Variants in MTREX observed in about 807,000 individuals in gnomAD.
MTREX encodes exosome RNA helicase MTR4.
Under a neutral mutation model 135.4 loss-of-function variants are expected in MTREX, and 76 were observed. That is an observed-to-expected ratio of 0.56 (90% CI 0.47 to 0.68). The LOEUF (loss-of-function observed/expected upper bound fraction) is 0.68, where lower values mean the gene tolerates loss of function less well. MTREX is among the 30% of genes least tolerant of loss of function. The pLI, the probability that MTREX is intolerant of heterozygous loss-of-function variation, is 0.00. For missense variants in MTREX, 920 were observed against 1,262.1 expected (o/e 0.73, Z 4.11); for synonymous variants, 404 against 401.6 (o/e 1.01, Z -0.07).
intron 5 of MTREX, among the ~76,000 whole-genome samples, chr5:55,334,603 A>T (rs1379049150): frequency 6.6e-6 from 1 of 152,108 alleles, no homozygotes; most frequent in Non-Finnish European, 1.5e-5. Flanking sequence ...TATATAATTT[A>T]CTTACCATTA....
intron 5 of MTREX, among the ~76,000 whole-genome samples, chr5:55,337,822 G>A (rs762117154): frequency 7.4e-5 from 11 of 149,554 alleles, no homozygotes; most frequent in Non-Finnish European, 1.0e-4. Context: ...TTCCTCCATT[G>A]CCTTCTATTT....
At chr5:55,326,542 C>G (rs1262005524) in intron 3 of MTREX, among the ~76,000 whole-genome samples, 1 of 152,190 alleles carries the variant, frequency 6.6e-6, no homozygotes, top group Non-Finnish European at 1.5e-5. Context: ...TTTTCCTCTT[C>G]ACAGGCTTGA....
chr5:55,323,626 C>T (rs1204874595), intron 2 of MTREX, among the ~76,000 whole-genome samples: 1 of 152,056 alleles, frequency 6.6e-6, no homozygotes, highest in Non-Finnish European at 1.5e-5. Flanking sequence ...TGCCGTATTG[C>T]CCAAGCTGGT....
At chr5:55,308,392 G>A (rs894674601) in intron 1 of MTREX, among the ~76,000 whole-genome samples, 3 of 152,048 alleles carry the variant, frequency 2.0e-5, no homozygotes, top group Non-Finnish European at 2.9e-5. Context: ...CGATGTTACT[G>A]ATTCTGTCCC....
rs186311278 is a variant in MTREX, at chr5:55,425,424, A to G, written c.*652A>G. ...TCAACAGCATCCTAAGATAAATATAAACAAAAGGATATACTTTGAGGTGTA... is the reference window on the plus strand; with the variant it reads ...TCAACAGCATCCTAAGATAAATATAGACAAAAGGATATACTTTGAGGTGTA... On this transcript the variant is annotated 3_prime_UTR_variant, in exon 27 of 27. Transcript: ENST00000230640. 5.6e-5 allele frequency: 68 copies of G among 1,223,142 alleles called. No individual in the cohort carries two copies. The African/African-American group carries it at 1.0e-3, about 18-fold the overall frequency. The allele number at this position is 1,223,142 out of a possible 1,614,324, so 75.8% of individuals were successfully genotyped here.
chr5:55,326,872 C>T (rs1182915526), intron 3 of MTREX, among the ~76,000 whole-genome samples: 3 of 152,046 alleles, frequency 2.0e-5, no homozygotes, highest in East Asian at 1.9e-4. Flanking sequence ...CTACAGGCCC[C>T]GGTTTGTGAT....
intron 21 of MTREX, among the ~76,000 whole-genome samples, chr5:55,403,368 G>A (rs1209333928): frequency 6.6e-6 from 1 of 152,040 alleles, no homozygotes; most frequent in African/African-American, 2.4e-5. Context: ...GAAAGATCTT[G>A]TACAGCATTG....
At chr5:55,389,794 G>T (rs2111569639) in intron 19 of MTREX, among the ~76,000 whole-genome samples, 1 of 152,194 alleles carries the variant, frequency 6.6e-6, no homozygotes, top group South Asian at 2.1e-4. Context: ...TGTACAGAGA[G>T]AGGGACTATA....
Position 55,402,872 on chromosome 5 carries a change from G to GTGTGTGTA in MTREX, c.2481+2452_2481+2453insGTGTGTAT, listed in dbSNP as rs70992784. Among the ~76,000 whole-genome samples, 1,290 of 138,818 alleles carry GTGTGTGTA rather than the reference G, an allele frequency of 9.3e-3. 9 individuals are homozygous for GTGTGTGTA. Among genetic ancestry groups the GTGTGTGTA allele is most frequent in the Middle Eastern group, 0.022 (6 of 274 alleles). The allele number at this position is 138,818 out of a possible 152,430, so 91.1% of individuals were successfully genotyped here. A position where few individuals can be genotyped will look rare whatever the true frequency, so the allele number is the denominator to read the frequency against. ...TATGTATGTGTGTGTGTGTGTGTGT[G>GTGTGTGTA]TATATATATAATTTCTTTTTTTTTT... is the stretch of plus-strand genomic sequence containing the variant. On this transcript the variant is annotated intron_variant, in intron 21 of 26. Transcript: ENST00000230640.
intron 14 of MTREX, among the ~76,000 whole-genome samples, chr5:55,357,992 G>A (rs1465166155): frequency 6.6e-6 from 1 of 152,190 alleles, no homozygotes; most frequent in African/African-American, 2.4e-5. Flanking sequence ...AGTTAATTAT[G>A]ATCAAGTCAG....
chr5:55,328,707 G>A lies in MTREX; in HGVS notation c.411G>A (p.Pro137=), dbSNP rs747215051. Residue 137 remains proline, a synonymous_variant, in exon 5 of 27, where the codon CCG becomes CCA. Transcript: ENST00000230640. ...PRVGKAAKEY[P]FILDAFQREA... is the part of the protein sequence containing the mutation. ...ATGTTTTGTTTTTATAGGAATACCC[G>A]TTCATTCTTGATGCTTTTCAAAGAG... 6.2e-6 allele frequency: 10 copies of A among 1,607,842 alleles called. No homozygotes were observed. Among genetic ancestry groups the A allele is most frequent in the East Asian group, 2.2e-5 (1 of 44,766 alleles).
chr5:55,349,726 T>G, intron 12 of MTREX, 74 bp downstream of exon 12: 1 of 813,946 alleles, frequency 1.2e-6, no homozygotes, highest in Non-Finnish European at 2.1e-6. Context: ...ATTGCTTGGT[T>G]TTATTACTCT....
intron 17 of MTREX, among the ~76,000 whole-genome samples, 164 bp from the exon 18 acceptor site, chr5:55,378,963 T>C (rs1378986076): frequency 6.6e-6 from 1 of 152,194 alleles, no homozygotes; most frequent in Admixed American, 6.5e-5. Context: ...ATTTTTTTCC[T>C]GCAGGGTTGA....
intron 5 of MTREX, among the ~76,000 whole-genome samples, chr5:55,337,516 A>C (rs10074982): frequency 0.14 from 20,642 of 152,036 alleles, 1,727 homozygotes; most frequent in East Asian, 0.26. Context: ...ATAAAATTTC[A>C]CTCAGTACTG....
At position 55,425,407 on chromosome 5, in the gene MTREX, A is replaced by C; in HGVS notation, c.*635A>C. The stretch of plus-strand genomic sequence containing the variant: ...TACATACAAAGTTGTGATCAACAGC[A>C]TCCTAAGATAAATATAAACAAAAGG... On this transcript the variant is annotated 3_prime_UTR_variant, in exon 27 of 27. Transcript: ENST00000230640. 4 of 1,339,196 alleles carry C rather than the reference A, an allele frequency of 3.0e-6. No individual in the cohort carries two copies. Among genetic ancestry groups the C allele is most frequent in the Non-Finnish European group, 4.1e-6 (4 of 970,630 alleles). 83.0% of individuals were successfully genotyped at this position (1,339,196 alleles called of 1,614,324 possible). A position where few individuals can be genotyped will look rare whatever the true frequency, so the allele number is the denominator to read the frequency against.
At chr5:55,333,991 G>A (rs1265576596) in intron 5 of MTREX, among the ~76,000 whole-genome samples, 2 of 152,120 alleles carry the variant, frequency 1.3e-5, no homozygotes, top group Non-Finnish European at 2.9e-5. Flanking sequence ...TATCCAGACA[G>A]TGGAATATTA....
intron 15 of MTREX, among the ~76,000 whole-genome samples, chr5:55,365,539 A>G (rs77372370): frequency 6.4e-4 from 98 of 152,304 alleles, no homozygotes; most frequent in African/African-American, 2.2e-3. Flanking sequence ...GGAGTACTCT[A>G]AGAGTATTTG....
intron 16 of MTREX, among the ~76,000 whole-genome samples, chr5:55,374,705 A>G (rs899062395): frequency 2.0e-5 from 3 of 152,310 alleles, no homozygotes; most frequent in African/African-American, 7.2e-5. Context: ...CTAAAAAGAG[A>G]TAATTCCTAA....
chr5:55,424,985 T>C lies in MTREX; in HGVS notation c.*213T>C. 1 of 676,384 alleles carries C rather than the reference T, an allele frequency of 1.5e-6. No individual in the cohort carries two copies. The highest frequency in any genetic ancestry group is 2.4e-6 in the Non-Finnish European group (1 of 412,130). 41.9% of individuals were successfully genotyped at this position (676,384 alleles called of 1,614,324 possible). On this transcript the variant is annotated 3_prime_UTR_variant, in exon 27 of 27. Coordinates refer to ENST00000230640, the MANE Select transcript of MTREX (RefSeq NM_015360.5). ...AAAATGTATACAGGTGGGGCACTGTTTTGGTGGAAGGCTTGGAGTTTTTTT... is the reference window on the plus strand; with the variant it reads ...AAAATGTATACAGGTGGGGCACTGTCTTGGTGGAAGGCTTGGAGTTTTTTT...
Sources: allele counts gnomAD v4.1 joint callset (sites outside exome capture counted in the v4.1 genomes callset), GRCh38; gene constraint gnomAD v4.1.1; transcripts MANE v1.5; gene names NCBI Gene and HGNC (gene_info 2026-07-23, HGNC 2026-07-21).